The following RNF150 variants were observed in gnomAD, a reference collection of about 807,000 sequenced individuals.
The protein encoded by RNF150 is ring finger protein 150.
In RNF150, 24 loss-of-function variants were observed where a neutral mutation model predicts 39.3. The ratio of observed to expected loss-of-function variants is 0.61; its 90% CI spans 0.44 to 0.86. The LOEUF is 0.86. Among genes scored for constraint, RNF150 ranks in the 40% least tolerant of loss-of-function variants. The pLI is 0.00. For missense variants in RNF150, 502 were observed against 587.8 expected (o/e 0.85, Z 1.51); for synonymous variants, 255 against 227.3 (o/e 1.12, Z -1.10).
intron 1 of RNF150, among the ~76,000 whole-genome samples, chr4:141,175,680 A>G (rs1337969916): frequency 6.6e-6 from 1 of 152,184 alleles, no homozygotes; most frequent in Non-Finnish European, 1.5e-5. Context: ...CTATTACTGA[A>G]TGTTTTAGTT....
At chr4:141,118,541 C>CA in intron 1 of RNF150, among the ~76,000 whole-genome samples, 1 of 152,160 alleles carries the variant, frequency 6.6e-6, no homozygotes, top group East Asian at 1.9e-4. Context: ...GAAAAATGCT[C>CA]AAAAACACTG....
At chr4:141,059,559 A>AT (rs1044783744) in intron 1 of RNF150, among the ~76,000 whole-genome samples, 6 of 151,500 alleles carry the variant, frequency 4.0e-5, no homozygotes, top group African/African-American at 7.3e-5. Flanking sequence ...GCAATTCTCT[A>AT]TTTTTTTTGC....
chr4:141,107,268 A>G (rs1739242600), intron 1 of RNF150, among the ~76,000 whole-genome samples: 1 of 152,228 alleles, frequency 6.6e-6, no homozygotes, highest in South Asian at 2.1e-4. Flanking sequence ...CTTTATTAGC[A>G]AATGCTTTTA....
upstream of RNF150, among the ~76,000 whole-genome samples, chr4:141,134,040 G>A (rs1299547232): frequency 4.6e-5 from 7 of 152,166 alleles, no homozygotes; most frequent in Non-Finnish European, 1.0e-4. Context: ...TGCCCACCTG[G>A]AAGCAAACAT....
chr4:141,183,673 C>G (rs943183053), intron 1 of RNF150, among the ~76,000 whole-genome samples: 2 of 151,984 alleles, frequency 1.3e-5, no homozygotes, highest in African/African-American at 2.4e-5. Flanking sequence ...TATCCCTCCC[C>G]TTGCCCCAAA....
chr4:140,971,905 G>GT (rs753793906), intron 1 of RNF150, among the ~76,000 whole-genome samples: 7 of 152,098 alleles, frequency 4.6e-5, no homozygotes, highest in Non-Finnish European at 1.0e-4. Flanking sequence ...ACCCTGGAGA[G>GT]TGACAGCATC....
rs200340844 is a variant in RNF150, at chr4:141,181,995, T to C, written c.-6+30799A>G. ...AGAGGTATCCGGAATCTCCAGGTCT[T>C]TCCTGTATTGATTTTCCCAGGATTT... On this transcript the variant is annotated intron_variant, in intron 1 of 7. Transcript: ENST00000420921. 1.1e-4 allele frequency among the ~76,000 whole-genome samples: 17 copies of C among 152,312 alleles called. No individual in the cohort carries two copies. The East Asian group carries it at 1.3e-3, about 12-fold the overall frequency.
chr4:141,171,125 G>T (rs1179889085), intron 1 of RNF150, among the ~76,000 whole-genome samples: 1 of 152,168 alleles, frequency 6.6e-6, no homozygotes, highest in Non-Finnish European at 1.5e-5. Context: ...TAGAAAGCAA[G>T]GAGAGCTTCC....
At chr4:141,098,242 A>C (rs993449349) in intron 1 of RNF150, among the ~76,000 whole-genome samples, 2 of 152,254 alleles carry the variant, frequency 1.3e-5, no homozygotes, top group African/African-American at 4.8e-5. Context: ...AAGCAGAAGC[A>C]ACCCAAAGTC....
At chr4:141,180,356 C>T (rs540824927) in intron 1 of RNF150, among the ~76,000 whole-genome samples, 12 of 152,156 alleles carry the variant, frequency 7.9e-5, no homozygotes, top group Non-Finnish European at 1.8e-4. Flanking sequence ...AAAGGAGTCC[C>T]AGTTTCCTTT....
chr4:141,099,114 A>G (rs1031683077), intron 1 of RNF150, among the ~76,000 whole-genome samples: 1 of 152,066 alleles, frequency 6.6e-6, no homozygotes, highest in Non-Finnish European at 1.5e-5. Flanking sequence ...TTTATTTTTT[A>G]TAATTTTAAT....
chr4:141,096,688 T>C (rs944227134), intron 1 of RNF150, among the ~76,000 whole-genome samples: 10 of 152,344 alleles, frequency 6.6e-5, no homozygotes, highest in African/African-American at 2.4e-4. Flanking sequence ...TCAGAAAAGA[T>C]GGAATTTAAG....
At chr4:140,880,599 A>G (rs1466047636) in intron 6 of RNF150, among the ~76,000 whole-genome samples, 1 of 150,928 alleles carries the variant, frequency 6.6e-6, no homozygotes, top group Non-Finnish European at 1.5e-5. Flanking sequence ...TCTTTTTTAA[A>G]TGTTTGGGAT....
chr4:140,916,217 G>A (rs1297813042), intron 5 of RNF150, among the ~76,000 whole-genome samples: 1 of 152,210 alleles, frequency 6.6e-6, no homozygotes, highest in Non-Finnish European at 1.5e-5. Context: ...CGAGTTGAGA[G>A]AGGAAGGCTT....
intron 1 of RNF150, among the ~76,000 whole-genome samples, chr4:141,177,476 TTCTCTCTCTC>T (rs35665766): frequency 4.9e-5 from 7 of 142,332 alleles, no homozygotes; most frequent in Non-Finnish European, 9.4e-5. Context: ...TATTGATTCT[TTCTCTCTCTC>T]TCTCTCTCTC....
At chr4:140,912,049 G>A (rs915432576) in intron 5 of RNF150, among the ~76,000 whole-genome samples, 5 of 152,134 alleles carry the variant, frequency 3.3e-5, no homozygotes, top group African/African-American at 4.8e-5. Flanking sequence ...ATTACAGGAC[G>A]CTTTCCTCTC....
At chr4:140,891,534 TC>T (rs1172788607) in intron 6 of RNF150, among the ~76,000 whole-genome samples, 1 of 152,136 alleles carries the variant, frequency 6.6e-6, no homozygotes, top group Non-Finnish European at 1.5e-5. Flanking sequence ...GACAGTTCTT[TC>T]CAAACTCCTC....
At chr4:140,926,758 T>C (rs1282939408) in intron 4 of RNF150, among the ~76,000 whole-genome samples, 1 of 152,206 alleles carries the variant, frequency 6.6e-6, no homozygotes, top group African/African-American at 2.4e-5. Context: ...GCTTCCTAAC[T>C]GAACTTTCTC....
At chr4:140,964,072 C>A (rs924468766) in intron 2 of RNF150, among the ~76,000 whole-genome samples, 18 of 151,984 alleles carry the variant, frequency 1.2e-4, no homozygotes, top group African/African-American at 4.1e-4. Flanking sequence ...AGATTCCAAC[C>A]AATGAAATGA....
Sources: gnomAD v4.1 joint callset for allele counts (sites outside exome capture counted in the v4.1 genomes callset) on GRCh38, gnomAD v4.1.1 for gene constraint, MANE v1.5 for transcripts, NCBI Gene and HGNC (gene_info 2026-07-23, HGNC 2026-07-21) for gene names.